NAT2: variants seen among roughly 807,000 people sequenced by gnomAD.
The protein encoded by NAT2 is arylamine N-acetyltransferase 2.
For synonymous variants in NAT2, 137 were observed against 125.9 expected, an observed-to-expected ratio of 1.09 and a Z score of -0.59; for missense variants, 428 against 339.1, an observed-to-expected ratio of 1.26 and a Z score of -2.06.
intron 1 of NAT2, among the ~76,000 whole-genome samples, chr8:18,396,196 G>A (rs1476650159): frequency 2.6e-5 from 4 of 151,948 alleles, no homozygotes; most frequent in Non-Finnish European, 4.4e-5. Context: ...GAGCAGATTA[G>A]TATTCTAATA....
At chr8:18,386,427 G>A (rs940040621), upstream of NAT2, among the ~76,000 whole-genome samples, 3 of 152,194 alleles carry the variant, frequency 2.0e-5, no homozygotes, top group East Asian at 1.9e-4. Flanking sequence ...TTTGAGCTGC[G>A]GAATGCGGCC....
upstream of NAT2, among the ~76,000 whole-genome samples, chr8:18,389,801 T>C (rs1416371736): frequency 6.6e-6 from 1 of 152,206 alleles, no homozygotes; most frequent in East Asian, 1.9e-4. Context: ...GGCAATCAAA[T>C]GTCCTTCACA....
chr8:18,399,192 T>C (rs1800746730), intron 1 of NAT2, among the ~76,000 whole-genome samples: 1 of 152,160 alleles, frequency 6.6e-6, no homozygotes, highest in Non-Finnish European at 1.5e-5. Flanking sequence ...TCTGTTCCAC[T>C]GCATGGAACA....
At position 18,400,429 on chromosome 8, in the gene NAT2, T is replaced by A. The variant is rs1413819756; in HGVS notation, c.426T>A (p.Asp142Glu). ...CTCTAGAATTAATTTCTGGGAAGGA[T>A]CAGCCTCAGGTGCCTTGCATTTTCT... ...WQPLELISGK[D>E]QPQVPCIFCL... The change falls in exon 2 of 2, where the codon GAT becomes GAA. Residue 142 changes from aspartate (D) to glutamate (E), a missense_variant. Physicochemically the swap from Asp to Glu is conservative, Grantham distance 45. Transcript: ENST00000286479. 6.2e-7 allele frequency: 1 copy of A among 1,613,128 alleles called. No homozygotes were observed. The highest frequency in any genetic ancestry group is 1.3e-5 in the African/African-American group (1 of 74,780).
chr8:18,400,490 C>A lies in NAT2; in HGVS notation c.487C>A (p.Gln163Lys). The change falls in exon 2 of 2, where the codon CAA becomes AAA. Residue 163 changes from glutamine to lysine, a missense_variant. Coordinates refer to ENST00000286479, the MANE Select transcript of NAT2 (RefSeq NM_000015.3). The stretch of plus-strand genomic sequence containing the variant: ...AGAGAGAGGAATCTGGTACCTGGAC[C>A]AAATCAGGAGAGAGCAGTATATTAC... Reference protein sequence around the residue: ...TEERGIWYLDQIRREQYITNK... With the variant: ...TEERGIWYLDKIRREQYITNK... 6.2e-7 allele frequency: 1 copy of A among 1,613,720 alleles called. No homozygotes were observed. Among genetic ancestry groups the A allele is most frequent in the Non-Finnish European group, 8.5e-7 (1 of 1,179,932 alleles).
upstream of NAT2, among the ~76,000 whole-genome samples, chr8:18,386,679 G>A (rs1307695985): frequency 6.6e-6 from 1 of 152,118 alleles, no homozygotes; most frequent in East Asian, 1.9e-4. Context: ...ACACGGGCAG[G>A]GGAAGAAGGG....
rs1391651018 is a variant in NAT2 at position 18,394,134 on chromosome 8, C to G, written c.-7+2789C>G. 3.9e-5 allele frequency among the ~76,000 whole-genome samples: 6 copies of G among 151,996 alleles called. No homozygotes were observed. The East Asian group carries it at 1.2e-3, about 30-fold the overall frequency. ...CAAAGGGGGGTTGTTCTCTGGCAGG[C>G]AGAGTGGGGGTCACAAGGTGCTCAG... On this transcript the variant is annotated intron_variant, in intron 1 of 1. Coordinates refer to ENST00000286479, the MANE Select transcript of NAT2 (RefSeq NM_000015.3).
intron 1 of NAT2, among the ~76,000 whole-genome samples, chr8:18,398,581 C>T (rs950275174): frequency 1.3e-5 from 2 of 152,150 alleles, no homozygotes; most frequent in African/African-American, 4.8e-5. Flanking sequence ...GTCTTCTGAG[C>T]TACAACGTGT....
At chr8:18,398,583 A>G (rs1800730765) in intron 1 of NAT2, among the ~76,000 whole-genome samples, 1 of 152,188 alleles carries the variant, frequency 6.6e-6, no homozygotes, top group African/African-American at 2.4e-5. Flanking sequence ...CTTCTGAGCT[A>G]CAACGTGTAT....
At chr8:18,388,290 G>T (rs1055394046), upstream of NAT2, among the ~76,000 whole-genome samples, 4 of 152,134 alleles carry the variant, frequency 2.6e-5, no homozygotes, top group South Asian at 8.3e-4. Context: ...TTAGTTTCTA[G>T]AATTGAGAAT....
At chr8:18,389,808 C>T (rs921903462), upstream of NAT2, among the ~76,000 whole-genome samples, 14 of 152,170 alleles carry the variant, frequency 9.2e-5, no homozygotes, top group African/African-American at 3.4e-4. Flanking sequence ...AAATGTCCTT[C>T]ACAAGTGGAA....
In NAT2 at chr8:18,400,685, C is replaced by T. The variant is rs150329557; in HGVS notation, c.682C>T (p.Pro228Ser). The T allele has an allele frequency of 6.1e-5, 98 of 1,613,748 alleles. No homozygotes were observed. The highest frequency in any genetic ancestry group is 8.1e-5 in the Non-Finnish European group (95 of 1,179,968). The change falls in exon 2 of 2, where the codon CCA becomes TCA. Residue 228 changes from proline (P) to serine (S), a missense_variant. Coordinates refer to ENST00000286479, the MANE Select transcript of NAT2 (RefSeq NM_000015.3). ...CACATCATTTTGTTCCTTGCAGACC[C>T]CAGAAGGGGTTTACTGTTTGGTGGG... ...ITTSFCSLQT[P>S]EGVYCLVGFI...
chr8:18,400,554 A>G lies in NAT2; in HGVS notation c.551A>G (p.Lys184Arg). 1 of 1,612,534 alleles carries G rather than the reference A, an allele frequency of 6.2e-7. No individual in the cohort carries two copies. Among genetic ancestry groups the G allele is most frequent in the Non-Finnish European group, 8.5e-7 (1 of 1,179,616 alleles). Residue 184 changes from lysine (K) to arginine (R), a missense_variant, in exon 2 of 2, where the codon AAG becomes AGG. Transcript: ENST00000286479. ...CTTAATTCTCATCTCCTGCCAAAGA[A>G]GAAACACCAAAAAATATACTTATTT... ...EFLNSHLLPK[K>R]KHQKIYLFTL...
At chr8:18,390,807 C>T (rs1482380796), upstream of NAT2, among the ~76,000 whole-genome samples, 3 of 152,094 alleles carry the variant, frequency 2.0e-5, no homozygotes, top group East Asian at 5.8e-4. Flanking sequence ...TGTGTGTTAC[C>T]TTTGGGTAGA....
intron 1 of NAT2, among the ~76,000 whole-genome samples, chr8:18,398,681 T>G (rs762811663): frequency 5.3e-5 from 8 of 152,208 alleles, no homozygotes; most frequent in Non-Finnish European, 1.2e-4. Flanking sequence ...AAATTCTTTG[T>G]TAGTATTGTT....
intron 1 of NAT2, among the ~76,000 whole-genome samples, chr8:18,393,457 G>A (rs1800623254): frequency 6.6e-6 from 1 of 151,994 alleles, no homozygotes; most frequent in African/African-American, 2.4e-5. Flanking sequence ...AGGCATTTCT[G>A]TAGAAACAGA....
chr8:18,396,140 G>C (rs1800686685), intron 1 of NAT2, among the ~76,000 whole-genome samples: 1 of 151,914 alleles, frequency 6.6e-6, no homozygotes, highest in African/African-American at 2.4e-5. Context: ...ACACAAGGTA[G>C]AGATTTTTAT....
At chr8:18,397,158 A>T (rs1210307816) in intron 1 of NAT2, among the ~76,000 whole-genome samples, 2 of 152,026 alleles carry the variant, frequency 1.3e-5, no homozygotes, top group African/African-American at 4.8e-5. Flanking sequence ...GGTCACTAAA[A>T]ATAAAAATTC....
intron 1 of NAT2, among the ~76,000 whole-genome samples, chr8:18,397,511 T>G (rs951049363): frequency 1.6e-4 from 25 of 152,190 alleles, no homozygotes; most frequent in African/African-American, 6.0e-4. Context: ...CCAATCATGT[T>G]GGAAGTGGCA....
Sources: allele counts gnomAD v4.1 joint callset (sites outside exome capture counted in the v4.1 genomes callset), GRCh38; gene constraint gnomAD v4.1.1; transcripts MANE v1.5; gene names NCBI Gene and HGNC (gene_info 2026-07-23, HGNC 2026-07-21).